The following BIRC6 variants were observed in gnomAD, a reference collection of about 807,000 sequenced individuals.
BIRC6 encodes baculoviral IAP repeat containing 6.
BIRC6 carries 98 observed loss-of-function variants against 503.3 expected under a neutral mutation model. The ratio of observed to expected loss-of-function variants is 0.19; its 90% CI spans 0.17 to 0.23. The LOEUF (loss-of-function observed/expected upper bound fraction) is 0.23, where lower values mean the gene tolerates loss of function less well. BIRC6 is among the 10% of genes least tolerant of loss of function. The probability of loss-of-function intolerance (pLI) is 1.00; values close to 1 mark genes in which losing one functional copy is unlikely to be tolerated. For missense variants in BIRC6, 5,360 were observed against 5,806.0 expected (o/e 0.92, Z 2.50); for synonymous variants, 2,240 against 2,078.7 (o/e 1.08, Z -2.11).
chr2:32,585,008 G>T (rs2060933304), intron 66 of BIRC6, among the ~76,000 whole-genome samples: 1 of 152,102 alleles, frequency 6.6e-6, no homozygotes, highest in African/African-American at 2.4e-5. Context: ...CAAAGCCTTA[G>T]ATTCTGGCTT....
At chr2:32,460,002 A>G (rs1321455509) in intron 23 of BIRC6, among the ~76,000 whole-genome samples, 3 of 150,252 alleles carry the variant, frequency 2.0e-5, no homozygotes, top group Non-Finnish European at 3.0e-5. Context: ...CATGTTGTCT[A>G]TTAATAGTTT....
At position 32,436,081 on chromosome 2, in the gene BIRC6, T is replaced by A. The variant is rs1350476184; in HGVS notation, c.3528T>A (p.Asp1176Glu). 6.9e-7 allele frequency: 1 copy of A among 1,453,438 alleles called. No homozygotes were observed. Among genetic ancestry groups the A allele is most frequent in the Admixed American group, 2.3e-5 (1 of 44,440 alleles). The allele number at this position is 1,453,438 out of a possible 1,614,324, so 90.0% of individuals were successfully genotyped here. A position where few individuals can be genotyped will look rare whatever the true frequency, so the allele number is the denominator to read the frequency against. ...TTAGATTATGTCCATTTTTGGAGGA[T>A]CATAAAGAAGACATTCTATGTGGGC... ...QCLRLCPFLE[D>E]HKEDILCGPV... Residue 1176 changes from aspartate (D) to glutamate (E), a missense_variant, in exon 15 of 74, where the codon GAT becomes GAA. Transcript: ENST00000421745.
At chr2:32,462,927 C>T (rs1033483024) in intron 23 of BIRC6, among the ~76,000 whole-genome samples, 3 of 150,650 alleles carry the variant, frequency 2.0e-5, no homozygotes, top group Admixed American at 2.0e-4. Context: ...TGCACTCCAG[C>T]CTGAGTGACG....
chr2:32,437,034 G>A (rs761314202), intron 15 of BIRC6, among the ~76,000 whole-genome samples: 4 of 151,902 alleles, frequency 2.6e-5, no homozygotes, highest in Non-Finnish European at 4.4e-5. Flanking sequence ...GACTACAGGC[G>A]TGTGCCACAA....
At chr2:32,478,075 T>C (rs906485260) in intron 35 of BIRC6, among the ~76,000 whole-genome samples, 3 of 152,088 alleles carry the variant, frequency 2.0e-5, no homozygotes, top group Non-Finnish European at 4.4e-5. Flanking sequence ...GTGTGGTGCT[T>C]CACACCTGTA....
chr2:32,519,906 A>G (rs1475976736), intron 57 of BIRC6, among the ~76,000 whole-genome samples: 2 of 152,226 alleles, frequency 1.3e-5, no homozygotes, highest in Admixed American at 1.3e-4. Flanking sequence ...GCAAAGTGCA[A>G]TCACTATAAT....
intron 45 of BIRC6, among the ~76,000 whole-genome samples, chr2:32,497,350 G>C (rs1448344034): frequency 6.6e-6 from 1 of 152,154 alleles, no homozygotes; most frequent in Non-Finnish European, 1.5e-5. Context: ...CATTCTCAAG[G>C]TAGACACCCT....
intron 73 of BIRC6, among the ~76,000 whole-genome samples, chr2:32,615,979 C>G (rs1238659716): frequency 1.3e-5 from 2 of 152,152 alleles, no homozygotes; most frequent in Non-Finnish European, 2.9e-5. Flanking sequence ...GGTCATTTCT[C>G]TCTCACCAGA....
At position 32,442,211 on chromosome 2, in the gene BIRC6, C is replaced by T. The variant is rs754429641; in HGVS notation, c.4091C>T (p.Ser1364Leu). 4.2e-5 allele frequency: 67 copies of T among 1,605,796 alleles called. No homozygotes were observed. Among genetic ancestry groups the T allele is most frequent in the Non-Finnish European group, 5.6e-5 (66 of 1,176,864 alleles). The part of the protein sequence containing the change: ...DTLCWLAGVH[S>L]NGPGSSKEGN... ...CTCTGTTGGTTAGCTGGAGTTCATTCAAATGGACCCGGAAGGTTAATAATT... is the reference window on the plus strand; with the variant it reads ...CTCTGTTGGTTAGCTGGAGTTCATTTAAATGGACCCGGAAGGTTAATAATT... The change falls in exon 18 of 74, where the codon TCA becomes TTA. Residue 1364 changes from serine to leucine, a missense_variant. By Grantham distance (145) the Ser-to-Leu change is moderately radical. Around this residue, in one of 16 missense-constraint regions of BIRC6, gnomAD observed 2,299 missense variants for 2,267.2 expected, o/e 1.01. Transcript: ENST00000421745.
chr2:32,588,956 T>A (rs2061235010), intron 66 of BIRC6, among the ~76,000 whole-genome samples: 1 of 152,210 alleles, frequency 6.6e-6, no homozygotes, highest in South Asian at 2.1e-4. Context: ...TATCTTAAGA[T>A]GAAATTAAAA....
chr2:32,429,337 G>A lies in BIRC6; in HGVS notation c.3022+42G>A, dbSNP rs943323944. On this transcript the variant is annotated intron_variant, in intron 11 of 73. Coordinates refer to ENST00000421745, the MANE Select transcript of BIRC6 (RefSeq NM_016252.4). ...TTAAATGATTTTAAAAAAAGAATAG[G>A]TAGTATTTATCATTTTTCTAGTTGT... is the stretch of plus-strand genomic sequence containing the variant. 7 of 1,355,160 alleles carry A rather than the reference G, an allele frequency of 5.2e-6. No homozygotes were observed. The African/African-American group carries it at 9.0e-5, about 17-fold the overall frequency. The allele number at this position is 1,355,160 out of a possible 1,614,324, so 83.9% of individuals were successfully genotyped here. A position where few individuals can be genotyped will look rare whatever the true frequency, so the allele number is the denominator to read the frequency against.
intron 4 of BIRC6, 110 bp downstream of exon 4, chr2:32,389,053 C>T (rs2038872298): frequency 2.6e-6 from 2 of 762,130 alleles, no homozygotes; most frequent in Non-Finnish European, 3.7e-6. Context: ...TTCACAATTT[C>T]TAGCCTAATT....
At chr2:32,400,107 T>C (rs1414721574) in intron 6 of BIRC6, among the ~76,000 whole-genome samples, 4 of 152,144 alleles carry the variant, frequency 2.6e-5, no homozygotes, top group Non-Finnish European at 4.4e-5. Context: ...ATTTTATATT[T>C]CTTAAACTTG....
At chr2:32,419,198 C>T (rs2042688802) in intron 10 of BIRC6, among the ~76,000 whole-genome samples, 2 of 152,156 alleles carry the variant, frequency 1.3e-5, no homozygotes, top group African/African-American at 4.8e-5. Flanking sequence ...AATGTATGTA[C>T]ATGTATGATT....
chr2:32,358,924 A>G (rs1429734332), intron 1 of BIRC6, among the ~76,000 whole-genome samples: 1 of 152,208 alleles, frequency 6.6e-6, no homozygotes, highest in Non-Finnish European at 1.5e-5. Flanking sequence ...ACTGTGTGTA[A>G]GAGGGAGATG....
At chr2:32,514,200 A>G (rs183297761) in intron 54 of BIRC6, among the ~76,000 whole-genome samples, 17 of 152,306 alleles carry the variant, frequency 1.1e-4, no homozygotes, top group African/African-American at 3.6e-4. Flanking sequence ...ATGTTCCTCT[A>G]TCCCTAACTA....
intron 1 of BIRC6, among the ~76,000 whole-genome samples, chr2:32,361,987 T>C (rs2034163083): frequency 1.3e-5 from 2 of 152,252 alleles, no homozygotes; most frequent in African/African-American, 2.4e-5. Flanking sequence ...ATAAACCTGC[T>C]GTAAACATTT....
At chr2:32,615,266 A>G (rs188830405) in intron 73 of BIRC6, among the ~76,000 whole-genome samples, 9 of 152,294 alleles carry the variant, frequency 5.9e-5, no homozygotes, top group Non-Finnish European at 1.3e-4. Flanking sequence ...AACTAGATCA[A>G]TCCCCAACCT....
At chr2:32,537,690 G>T (rs1420447529) in intron 61 of BIRC6, among the ~76,000 whole-genome samples, 1 of 152,166 alleles carries the variant, frequency 6.6e-6, no homozygotes, top group Non-Finnish European at 1.5e-5. Flanking sequence ...ATTTAGGCCG[G>T]GCGCAGTGGC....
Sources: gnomAD v4.1 joint callset for allele counts (sites outside exome capture counted in the v4.1 genomes callset) on GRCh38, gnomAD v4.1.1 for gene constraint, gnomAD v4.1.1 regional missense constraint, MANE v1.5 for transcripts, NCBI Gene and HGNC (gene_info 2026-07-23, HGNC 2026-07-21) for gene names.